Variants in PTPRD observed in about 807,000 individuals in gnomAD.
PTPRD encodes the protein receptor-type tyrosine-protein phosphatase delta.
PTPRD carries 34 observed loss-of-function variants against 214.5 expected under a neutral mutation model. That is an observed-to-expected ratio of 0.16 (90% CI 0.12 to 0.21). The LOEUF (loss-of-function observed/expected upper bound fraction) is 0.21. Among genes scored for constraint, PTPRD ranks in the 10% least tolerant of loss-of-function variants. PTPRD has a pLI of 1.00. For synonymous variants in PTPRD, 1,128 were observed against 845.7 expected (o/e 1.33, Z -5.79); for missense variants, 2,545 against 2,398.7 (o/e 1.06, Z -1.27).
intron 35 of PTPRD, among the ~76,000 whole-genome samples, chr9:8,410,499 G>A (rs1458922904): frequency 6.6e-6 from 1 of 152,120 alleles, no homozygotes. Flanking sequence ...ATCTTACTGA[G>A]TCTCTCTCTG....
At chr9:8,666,705 ACT>A (rs1596425452) in intron 12 of PTPRD, among the ~76,000 whole-genome samples, 1 of 152,098 alleles carries the variant, frequency 6.6e-6, no homozygotes. Flanking sequence ...AACACACTAA[ACT>A]CTATTATTTC....
intron 14 of PTPRD, among the ~76,000 whole-genome samples, chr9:8,577,608 A>G (rs1293455033): frequency 6.6e-6 from 1 of 152,126 alleles, no homozygotes; most frequent in East Asian, 1.9e-4. Context: ...TCAAGACTTC[A>G]ATCAAATCCT....
chr9:10,278,768 T>G (rs1285198726), intron 3 of PTPRD, among the ~76,000 whole-genome samples: 1 of 135,396 alleles, frequency 7.4e-6, no homozygotes, highest in African/African-American at 2.7e-5. Flanking sequence ...AAGGTTTTTT[T>G]TTTGTTTTGT....
chr9:10,480,780 C>T (rs2099092814), intron 2 of PTPRD, among the ~76,000 whole-genome samples: 1 of 151,892 alleles, frequency 6.6e-6, no homozygotes, highest in African/African-American at 2.4e-5. Flanking sequence ...TTCCACAAGC[C>T]TACAAGGAGA....
At chr9:8,658,394 A>T (rs1422595162) in intron 12 of PTPRD, among the ~76,000 whole-genome samples, 1 of 152,204 alleles carries the variant, frequency 6.6e-6, no homozygotes, top group Non-Finnish European at 1.5e-5. Flanking sequence ...ATTGTGTCCT[A>T]TTAAATTGTT....
chr9:9,271,371 A>C (rs1942853150), intron 9 of PTPRD, among the ~76,000 whole-genome samples: 1 of 151,140 alleles, frequency 6.6e-6, no homozygotes, highest in Non-Finnish European at 1.5e-5. Context: ...CCAAACTTCT[A>C]ATTAACTATT....
At chr9:8,513,761 ACAT>A (rs1441804860) in intron 21 of PTPRD, among the ~76,000 whole-genome samples, 5 of 152,056 alleles carry the variant, frequency 3.3e-5, no homozygotes, top group Non-Finnish European at 5.9e-5. Context: ...ATCAGAACAA[ACAT>A]CATTGTTTTT....
chr9:10,434,027 C>G (rs895072497), intron 2 of PTPRD, among the ~76,000 whole-genome samples: 1 of 151,662 alleles, frequency 6.6e-6, no homozygotes, highest in African/African-American at 2.4e-5. Context: ...AATTATTATG[C>G]AACATTTTAA....
intron 5 of PTPRD, among the ~76,000 whole-genome samples, chr9:9,850,963 T>G (rs1173920249): frequency 1.3e-5 from 2 of 152,150 alleles, no homozygotes; most frequent in African/African-American, 4.8e-5. Context: ...GCTACAATGA[T>G]TATCTTTGGA....
intron 4 of PTPRD, among the ~76,000 whole-genome samples, chr9:9,969,023 C>G (rs4742645): frequency 0.63 from 96,488 of 151,950 alleles, 33,332 homozygotes; most frequent in East Asian, 0.91. Flanking sequence ...GGAGAGAGTC[C>G]ATAGTCAAAT....
intron 5 of PTPRD, among the ~76,000 whole-genome samples, chr9:9,880,539 C>A (rs766723366): frequency 6.6e-6 from 1 of 151,896 alleles, no homozygotes; most frequent in Non-Finnish European, 1.5e-5. Context: ...CAGATATTTA[C>A]TTTTATTTTT....
At chr9:9,632,638 C>A (rs1173161256) in intron 7 of PTPRD, among the ~76,000 whole-genome samples, 2 of 151,428 alleles carry the variant, frequency 1.3e-5, no homozygotes, top group South Asian at 2.1e-4. Flanking sequence ...AGAGATAGTT[C>A]AAATGTTGGT....
chr9:8,796,523 T>C (rs900894553), intron 11 of PTPRD, among the ~76,000 whole-genome samples: 3 of 152,236 alleles, frequency 2.0e-5, no homozygotes, highest in East Asian at 1.9e-4. Context: ...AGTAGAAATA[T>C]GGAATTTAAC....
intron 8 of PTPRD, among the ~76,000 whole-genome samples, chr9:9,448,902 C>G (rs2091312879): frequency 6.6e-6 from 1 of 152,006 alleles, no homozygotes; most frequent in South Asian, 2.1e-4. Flanking sequence ...CAGCAACTCA[C>G]TAAGAAGCCA....
intron 44 of PTPRD, among the ~76,000 whole-genome samples, chr9:8,329,443 ATCTGTCAGCCCCTACTGTGAGGTG>A (rs1454626090): frequency 6.6e-6 from 1 of 152,088 alleles, no homozygotes; most frequent in African/African-American, 2.4e-5. Context: ...TGTATGAGGT[ATCTGTCAGCCCCTACTGTGAGGTG>A]TCACCCAGTC....
chr9:10,332,654 T>C (rs10959052), intron 3 of PTPRD, among the ~76,000 whole-genome samples: 17,015 of 151,838 alleles, frequency 0.11, 1,197 homozygotes, highest in Non-Finnish European at 0.15. Flanking sequence ...CAGTAGGTAC[T>C]AATACTAACC....
At chr9:8,376,477 C>G in intron 38 of PTPRD, 130 bp downstream of exon 38, 2 of 1,317,250 alleles carry the variant, frequency 1.5e-6, no homozygotes, top group Non-Finnish European at 2.1e-6. Context: ...AATGGAAGAT[C>G]TATTTCATTC....
At chr9:10,109,692 G>A (rs1455907380) in intron 3 of PTPRD, among the ~76,000 whole-genome samples, 1 of 152,162 alleles carries the variant, frequency 6.6e-6, no homozygotes, top group African/African-American at 2.4e-5. Context: ...CTGACAACGG[G>A]TTGAGTGATG....
intron 11 of PTPRD, among the ~76,000 whole-genome samples, chr9:8,757,492 T>C (rs1431191375): frequency 6.6e-6 from 1 of 151,908 alleles, no homozygotes; most frequent in African/African-American, 2.4e-5. Context: ...AATTAAGATG[T>C]GAGTAAAGCC....
Sources: allele counts gnomAD v4.1 joint callset (sites outside exome capture counted in the v4.1 genomes callset), GRCh38; gene constraint gnomAD v4.1.1; transcripts MANE v1.5; gene names NCBI Gene and HGNC (gene_info 2026-07-23, HGNC 2026-07-21).